Variants in EPB41L3 observed in about 807,000 individuals in gnomAD.
The protein encoded by EPB41L3 is band 4.1-like protein 3.
EPB41L3 carries 57 observed loss-of-function variants against 127.1 expected under a neutral mutation model. The ratio of observed to expected loss-of-function variants is 0.45; its 90% CI spans 0.36 to 0.56. EPB41L3 has a LOEUF of 0.56. EPB41L3 is among the 20% of genes least tolerant of loss of function. The pLI is 0.00. For missense variants in EPB41L3, 1,273 were observed against 1,372.2 expected (o/e 0.93, Z 1.14); for synonymous variants, 572 against 549.5 (o/e 1.04, Z -0.57).
At position 5,397,985 on chromosome 18, in the gene EPB41L3, CA is replaced by C; in HGVS notation, c.2472+35del. Reference sequence around the variant, plus strand: ...AAGGGTAAGGAAAGGCACATGGGCACATTCAGAAACACCAAGGACGAAAACA... The same window carrying C: ...AAGGGTAAGGAAAGGCACATGGGCACTTCAGAAACACCAAGGACGAAAACA... On this transcript the variant is annotated intron_variant, in intron 17 of 22. Coordinates refer to ENST00000341928, the MANE Select transcript of EPB41L3 (RefSeq NM_012307.5). The surrounding 1 kb of genome is among the most constrained non-coding windows in gnomAD (Gnocchi z 4.1). 2 of 1,613,744 alleles carry C rather than the reference CA, an allele frequency of 1.2e-6. No individual in the cohort carries two copies. The highest frequency in any genetic ancestry group is 3.3e-5 in the Admixed American group (2 of 60,000).
chr18:5,409,819 A>C (rs1192653562), intron 14 of EPB41L3, among the ~76,000 whole-genome samples: 2 of 152,036 alleles, frequency 1.3e-5, no homozygotes, highest in Non-Finnish European at 2.9e-5. Context: ...CTTGACTTCC[A>C]TTAGTACAGA....
chr18:5,511,984 G>C (rs1255988434), intron 1 of EPB41L3, among the ~76,000 whole-genome samples: 2 of 152,208 alleles, frequency 1.3e-5, no homozygotes, highest in Non-Finnish European at 2.9e-5. Flanking sequence ...AATAAGACAA[G>C]GAGATCAGGT....
chr18:5,537,325 A>T (rs546190292), intron 1 of EPB41L3, among the ~76,000 whole-genome samples: 1 of 152,176 alleles, frequency 6.6e-6, no homozygotes, highest in Non-Finnish European at 1.5e-5. Context: ...CATATTTCGT[A>T]TATCTCATTT....
intron 1 of EPB41L3, chr18:5,540,236 AC>A: frequency 1.7e-6 from 1 of 601,510 alleles, no homozygotes; most frequent in Non-Finnish European, 2.1e-6. Context: ...CTACTATTTC[AC>A]AAAAAACAAA....
chr18:5,554,506 G>T (rs1032679809), intron 3 of EPB41L3, among the ~76,000 whole-genome samples: 1 of 152,182 alleles, frequency 6.6e-6, no homozygotes, highest in African/African-American at 2.4e-5. Flanking sequence ...TGATAAAAAT[G>T]TGACATAGTT....
intron 3 of EPB41L3, among the ~76,000 whole-genome samples, chr18:5,560,628 C>T (rs1459393403): frequency 1.3e-5 from 2 of 152,126 alleles, no homozygotes; most frequent in African/African-American, 4.8e-5. Flanking sequence ...ATTTGCCGCA[C>T]CGTTCTGAAA....
intron 3 of EPB41L3, among the ~76,000 whole-genome samples, chr18:5,570,004 T>C (rs972440177): frequency 3.9e-5 from 6 of 152,326 alleles, no homozygotes; most frequent in African/African-American, 1.4e-4. Context: ...GGATGGTTAT[T>C]GTAATTCTTA....
rs565258874 is a variant in EPB41L3 at position 5,417,664 on chromosome 18, C to T, written c.1507-1286G>A. Among the ~76,000 whole-genome samples the T allele has an allele frequency of 2.6e-5, 4 of 152,236 alleles. No individual in the cohort carries two copies. In the South Asian group the frequency reaches 8.3e-4, roughly 32 times the overall value. The stretch of plus-strand genomic sequence containing the variant: ...TAAATATAGCGACAGAAAGAAAATG[C>T]ACAAATAAAGTTACATCTGAGGCAT... On this transcript the variant is annotated intron_variant, in intron 12 of 22. Coordinates refer to ENST00000341928, the MANE Select transcript of EPB41L3 (RefSeq NM_012307.5).
intron 1 of EPB41L3, among the ~76,000 whole-genome samples, chr18:5,624,993 C>T (rs974353360): frequency 2.0e-5 from 3 of 151,878 alleles, no homozygotes; most frequent in Non-Finnish European, 2.9e-5. Flanking sequence ...ATAGGGTGAG[C>T]GAAAGACAGA....
intron 1 of EPB41L3, among the ~76,000 whole-genome samples, chr18:5,530,525 C>T (rs990164320): frequency 6.6e-6 from 1 of 152,134 alleles, no homozygotes; most frequent in Non-Finnish European, 1.5e-5. Flanking sequence ...TGAACTCTGA[C>T]CCCAGCTGCC....
chr18:5,482,002 T>C (rs1426010920), intron 2 of EPB41L3, among the ~76,000 whole-genome samples: 5 of 151,890 alleles, frequency 3.3e-5, no homozygotes, highest in East Asian at 3.9e-4. Context: ...CAAGAAACAA[T>C]AGCAAACAGG....
At chr18:5,570,394 T>C (rs186295769) in intron 3 of EPB41L3, among the ~76,000 whole-genome samples, 3 of 152,304 alleles carry the variant, frequency 2.0e-5, no homozygotes, top group Admixed American at 2.0e-4. Context: ...AATCAAGTTA[T>C]ACTGAAGAGG....
intron 1 of EPB41L3, among the ~76,000 whole-genome samples, chr18:5,490,635 T>C (rs1396262904): frequency 6.6e-6 from 1 of 152,202 alleles, no homozygotes; most frequent in Non-Finnish European, 1.5e-5. Context: ...GTGATGCAAA[T>C]AAAATGAACA....
intron 3 of EPB41L3, among the ~76,000 whole-genome samples, chr18:5,465,639 C>G (rs11660110): frequency 0.3 from 45,894 of 151,856 alleles, 7,631 homozygotes; most frequent in East Asian, 0.46. Context: ...AAAAAAGGTC[C>G]CTGGCACCTG....
At chr18:5,437,611 A>G (rs1279390109) in intron 6 of EPB41L3, among the ~76,000 whole-genome samples, 5 of 152,240 alleles carry the variant, frequency 3.3e-5, no homozygotes, top group African/African-American at 1.2e-4. Context: ...TATATACAGG[A>G]CATAGAAATT....
chr18:5,393,081 T>C lies in EPB41L3; in HGVS notation c.*404A>G, dbSNP rs1337249672. On this transcript the variant is annotated 3_prime_UTR_variant, in exon 23 of 23. Transcript: ENST00000341928. ...ATCTTCATTTATTGTAAATATAAGG[T>C]TACCTAAGAAATTGCAATTTTGTTT... The C allele has an allele frequency of 4.1e-5, 7 of 172,572 alleles. No individual in the cohort carries two copies. Among genetic ancestry groups the C allele is most frequent in the Non-Finnish European group, 8.6e-5 (7 of 81,714 alleles). The allele number at this position is 172,572 out of a possible 1,614,324, so 10.7% of individuals were successfully genotyped here.
At chr18:5,522,920 T>C (rs1319448180) in intron 1 of EPB41L3, among the ~76,000 whole-genome samples, 2 of 152,222 alleles carry the variant, frequency 1.3e-5, no homozygotes, top group Non-Finnish European at 2.9e-5. Context: ...GATATTACTT[T>C]TATTGCTAAA....
chr18:5,493,649 TCA>T (rs939578752), intron 1 of EPB41L3, among the ~76,000 whole-genome samples: 2 of 152,164 alleles, frequency 1.3e-5, no homozygotes, highest in Non-Finnish European at 2.9e-5. Context: ...GCTGTTGGTC[TCA>T]CTTTCCACTC....
intron 3 of EPB41L3, among the ~76,000 whole-genome samples, chr18:5,604,206 T>G (rs1338290099): frequency 6.6e-6 from 1 of 152,114 alleles, no homozygotes; most frequent in African/African-American, 2.4e-5. Context: ...ATAGTTTAAA[T>G]GTCCTTACCC....
Sources: allele counts gnomAD v4.1 joint callset (sites outside exome capture counted in the v4.1 genomes callset), GRCh38; gene constraint gnomAD v4.1.1; non-coding constraint Gnocchi (gnomAD v3.1); transcripts MANE v1.5; gene names NCBI Gene and HGNC (gene_info 2026-07-23, HGNC 2026-07-21).